ENOX1: variants seen among roughly 807,000 people sequenced by gnomAD.
ENOX1 encodes ecto-NOX disulfide-thiol exchanger 1.
In ENOX1, 42 loss-of-function variants were observed where a neutral mutation model predicts 82.5. The ratio of observed to expected loss-of-function variants is 0.51; its 90% CI spans 0.40 to 0.66. ENOX1 has a LOEUF of 0.66. ENOX1 is among the 30% of genes least tolerant of loss of function. ENOX1 has a pLI of 0.00. For synonymous variants in ENOX1, 271 were observed against 282.2 expected (o/e 0.96, Z 0.40); for missense variants, 608 against 811.6 (o/e 0.75, Z 3.05).
At chr13:43,785,920 G>A (rs1409163733) in intron 1 of ENOX1, among the ~76,000 whole-genome samples, 1 of 152,100 alleles carries the variant, frequency 6.6e-6, no homozygotes, top group Non-Finnish European at 1.5e-5. Context: ...GGTCCGGAGA[G>A]GCGGGGAGGC....
At chr13:43,275,862 A>G (rs1169029611) in intron 12 of ENOX1, among the ~76,000 whole-genome samples, 1 of 152,130 alleles carries the variant, frequency 6.6e-6, no homozygotes, top group African/African-American at 2.4e-5. Flanking sequence ...GACTCTTACA[A>G]TGGCTATAAC....
chr13:43,385,226 T>C (rs2153578012), intron 5 of ENOX1, among the ~76,000 whole-genome samples: 1 of 152,288 alleles, frequency 6.6e-6, no homozygotes. Flanking sequence ...TAAATAACTC[T>C]TAGAATACTC....
intron 1 of ENOX1, among the ~76,000 whole-genome samples, chr13:43,752,899 A>G (rs1371246759): frequency 6.6e-6 from 1 of 150,814 alleles, no homozygotes; most frequent in East Asian, 1.9e-4. Context: ...TCACTCTCTC[A>G]CCCAGAATGG....
chr13:43,293,579 T>C (rs1005204847), intron 12 of ENOX1, among the ~76,000 whole-genome samples: 4 of 152,192 alleles, frequency 2.6e-5, no homozygotes, highest in African/African-American at 7.2e-5. Flanking sequence ...TTTTGACATA[T>C]AACATCAGAC....
chr13:43,507,973 A>C (rs1178915586), intron 2 of ENOX1, among the ~76,000 whole-genome samples: 1 of 152,072 alleles, frequency 6.6e-6, no homozygotes, highest in East Asian at 1.9e-4. Context: ...TATTACAACT[A>C]GAGTTGTAAT....
intron 3 of ENOX1, among the ~76,000 whole-genome samples, chr13:43,468,343 A>G (rs2057832528): frequency 6.6e-6 from 1 of 151,814 alleles, no homozygotes; most frequent in Non-Finnish European, 1.5e-5. Context: ...CACCACACCC[A>G]GCTAATTTTT....
chr13:43,617,912 G>A (rs1044093303), intron 2 of ENOX1, among the ~76,000 whole-genome samples: 1 of 147,226 alleles, frequency 6.8e-6, no homozygotes, highest in Non-Finnish European at 1.5e-5. Flanking sequence ...TGTTGTTGTT[G>A]TTGTTATGGC....
intron 14 of ENOX1, among the ~76,000 whole-genome samples, chr13:43,254,167 G>T (rs140511575): frequency 3.3e-5 from 5 of 152,246 alleles, no homozygotes; most frequent in African/African-American, 1.2e-4. Flanking sequence ...AGTCTCATTT[G>T]GGTACGGATG....
At chr13:43,555,979 T>G (rs1245595616) in intron 2 of ENOX1, among the ~76,000 whole-genome samples, 1 of 152,190 alleles carries the variant, frequency 6.6e-6, no homozygotes, top group African/African-American at 2.4e-5. Flanking sequence ...CTCCCACATT[T>G]AACAGTTCTC....
chr13:43,410,657 A>C (rs927987116), intron 5 of ENOX1, among the ~76,000 whole-genome samples: 1 of 145,936 alleles, frequency 6.9e-6, no homozygotes, highest in African/African-American at 2.6e-5. Flanking sequence ...CACACATATT[A>C]CTACAGTTAA....
At chr13:43,295,204 A>C (rs1458008580) in intron 12 of ENOX1, among the ~76,000 whole-genome samples, 1 of 152,250 alleles carries the variant, frequency 6.6e-6, no homozygotes, top group Non-Finnish European at 1.5e-5. Context: ...TACACCTAAA[A>C]GTACAAATGA....
chr13:43,217,805 CAT>C (rs1185076306), intron 16 of ENOX1, among the ~76,000 whole-genome samples: 1 of 152,196 alleles, frequency 6.6e-6, no homozygotes, highest in East Asian at 1.9e-4. Context: ...CTGGCCTCTC[CAT>C]ATCCTAGCTC....
At chr13:43,636,526 T>C (rs1302305414) in intron 2 of ENOX1, among the ~76,000 whole-genome samples, 1 of 152,242 alleles carries the variant, frequency 6.6e-6, no homozygotes, top group Non-Finnish European at 1.5e-5. Context: ...CACGAACTTT[T>C]GTCAGGAAGC....
At position 43,242,962 on chromosome 13, in the gene ENOX1, CCT is replaced by C. The variant is rs1358627065; in HGVS notation, c.1612-6226_1612-6225del. ...ACCAGCCTGGCCAACATGGCGAAAC[CCT>C]GTCTCTACTGACCATACAAAAATTA... On this transcript the variant is annotated intron_variant, in intron 14 of 16. Transcript: ENST00000690772. Among the ~76,000 whole-genome samples, 8 of 152,110 alleles carry C rather than the reference CCT, an allele frequency of 5.3e-5. No individual in the cohort carries two copies. In the East Asian group the frequency reaches 1.5e-3, roughly 29 times the overall value.
intron 1 of ENOX1, among the ~76,000 whole-genome samples, chr13:43,749,838 G>GT (rs1291964237): frequency 6.6e-6 from 1 of 152,134 alleles, no homozygotes; most frequent in Non-Finnish European, 1.5e-5. Context: ...TCTTATTTCA[G>GT]TTTTTTACTT....
chr13:43,238,090 T>C (rs1408156484), intron 14 of ENOX1, among the ~76,000 whole-genome samples: 1 of 152,152 alleles, frequency 6.6e-6, no homozygotes, highest in Non-Finnish European at 1.5e-5. Flanking sequence ...AGGGAAGAAC[T>C]TGGTTGGCTA....
Position 43,505,365 on chromosome 13 carries a change from G to A in ENOX1, c.-218-21213C>T, listed in dbSNP as rs898978409. ...TGATCAAAAGAAGGCAGAAATTTGA[G>A]AGAATTCTGTAGGGAAACAACCAGA... On this transcript the variant is annotated intron_variant, in intron 2 of 16. Coordinates refer to ENST00000690772, the MANE Select transcript of ENOX1 (RefSeq NM_001347969.2). Among the ~76,000 whole-genome samples the A allele has an allele frequency of 8.2e-4, 125 of 151,922 alleles. 1 individual carries two copies. Among genetic ancestry groups the A allele is most frequent in the Admixed American group, 8.1e-3 (123 of 15,206 alleles).
At chr13:43,454,841 AT>A (rs3044064) in intron 3 of ENOX1, among the ~76,000 whole-genome samples, 3,451 of 143,030 alleles carry the variant, frequency 0.024, 124 homozygotes, top group African/African-American at 0.076. Context: ...TATTGAAACC[AT>A]TTTTTTTTTT....
At chr13:43,598,112 G>C (rs538265749) in intron 2 of ENOX1, among the ~76,000 whole-genome samples, 2 of 151,880 alleles carry the variant, frequency 1.3e-5, no homozygotes, top group South Asian at 4.2e-4. Context: ...AGAGCTGACT[G>C]TGCTCATCTC....
Sources: allele counts gnomAD v4.1 joint callset (sites outside exome capture counted in the v4.1 genomes callset), GRCh38; gene constraint gnomAD v4.1.1; transcripts MANE v1.5; gene names NCBI Gene and HGNC (gene_info 2026-07-23, HGNC 2026-07-21).